CSMD1: variants seen among roughly 807,000 people sequenced by gnomAD.
The protein encoded by CSMD1 is CUB and sushi domain-containing protein 1.
Under a neutral mutation model 417.5 loss-of-function variants are expected in CSMD1, and 213 were observed. That is an observed-to-expected ratio of 0.51 (90% CI 0.46 to 0.57). The LOEUF (loss-of-function observed/expected upper bound fraction) is 0.57, where lower values mean the gene tolerates loss of function less well. CSMD1 is among the 20% of genes least tolerant of loss of function. The pLI is 0.00. For synonymous variants in CSMD1, 2,862 were observed against 1,736.8 expected, an observed-to-expected ratio of 1.65 and a Z score of -16.11; for missense variants, 6,923 against 4,529.7, an observed-to-expected ratio of 1.53 and a Z score of -15.17.
chr8:3,659,980 C>G (rs527991120), intron 7 of CSMD1, among the ~76,000 whole-genome samples: 1 of 152,312 alleles, frequency 6.6e-6, no homozygotes, highest in Admixed American at 6.5e-5. Context: ...AGAAATCCAA[C>G]TCACACACTG....
intron 7 of CSMD1, among the ~76,000 whole-genome samples, chr8:3,664,689 G>C (rs1798593435): frequency 3.3e-5 from 5 of 152,222 alleles, no homozygotes; most frequent in Non-Finnish European, 7.3e-5. Context: ...AAGCTGAAAA[G>C]AGCTGGCCCA....
intron 5 of CSMD1, among the ~76,000 whole-genome samples, chr8:3,838,867 TTA>T (rs1248605098): frequency 6.9e-5 from 8 of 116,076 alleles, no homozygotes; most frequent in African/African-American, 2.8e-4. Context: ...ATACTATTAA[TTA>T]TATATAATAT....
chr8:4,229,421 T>C (rs1233972043), intron 3 of CSMD1, among the ~76,000 whole-genome samples: 4 of 152,158 alleles, frequency 2.6e-5, no homozygotes, highest in Non-Finnish European at 4.4e-5. Flanking sequence ...CCTACCACAA[T>C]CACTCATTAT....
intron 5 of CSMD1, among the ~76,000 whole-genome samples, chr8:3,921,384 G>T (rs1425434353): frequency 6.6e-6 from 1 of 151,564 alleles, no homozygotes; most frequent in Non-Finnish European, 1.5e-5. Context: ...TGTCTTTCTA[G>T]CCTCTATTTA....
At chr8:4,325,424 A>C (rs1196798480) in intron 3 of CSMD1, among the ~76,000 whole-genome samples, 1 of 152,164 alleles carries the variant, frequency 6.6e-6, no homozygotes, top group Non-Finnish European at 1.5e-5. Context: ...ACTCTACAGA[A>C]GCCAGGCAAT....
chr8:4,954,833 G>C (rs150593463), intron 1 of CSMD1, among the ~76,000 whole-genome samples: 97 of 152,242 alleles, frequency 6.4e-4, no homozygotes, highest in Middle Eastern at 3.4e-3. Context: ...TCTTACTTTT[G>C]CTTTTGGTGT....
intron 23 of CSMD1, among the ~76,000 whole-genome samples, chr8:3,319,313 CTGCA>C (rs1161424681): frequency 6.6e-6 from 1 of 152,160 alleles, no homozygotes; most frequent in East Asian, 1.9e-4. Flanking sequence ...ATTAGAACCA[CTGCA>C]GAGTCTTCAT....
At chr8:4,294,568 G>A in intron 3 of CSMD1, among the ~76,000 whole-genome samples, 1 of 152,146 alleles carries the variant, frequency 6.6e-6, no homozygotes, top group South Asian at 2.1e-4. Flanking sequence ...TGCCATGTTA[G>A]AGAATGAAGT....
chr8:3,563,311 G>C (rs1456207728), intron 10 of CSMD1, among the ~76,000 whole-genome samples: 3 of 151,496 alleles, frequency 2.0e-5, no homozygotes, highest in Non-Finnish European at 4.4e-5. Flanking sequence ...TTAAACAATT[G>C]CTGAATATAA....
At chr8:4,308,252 ATG>A (rs539320428) in intron 3 of CSMD1, among the ~76,000 whole-genome samples, 232 of 151,322 alleles carry the variant, frequency 1.5e-3, no homozygotes, top group African/African-American at 5.1e-3. Flanking sequence ...AGTTTTTTTT[ATG>A]TGTGTGTGTG....
intron 2 of CSMD1, among the ~76,000 whole-genome samples, chr8:4,527,146 T>G (rs1387469153): frequency 6.6e-6 from 1 of 152,206 alleles, no homozygotes; most frequent in East Asian, 1.9e-4. Context: ...GAAAGTTAAG[T>G]TACCCAATGA....
At chr8:4,256,230 A>C (rs939621293) in intron 3 of CSMD1, among the ~76,000 whole-genome samples, 41 of 152,202 alleles carry the variant, frequency 2.7e-4, no homozygotes, top group Non-Finnish European at 5.7e-4. Context: ...ATTTGTGCTC[A>C]AACCAACCTT....
intron 1 of CSMD1, among the ~76,000 whole-genome samples, chr8:4,791,377 C>T (rs888858692): frequency 1.3e-5 from 2 of 152,126 alleles, no homozygotes; most frequent in African/African-American, 4.8e-5. Flanking sequence ...AATTTTCTTT[C>T]CAATTCAGCC....
intron 3 of CSMD1, among the ~76,000 whole-genome samples, chr8:4,202,799 C>A (rs375576456): frequency 2.0e-5 from 3 of 152,216 alleles, no homozygotes; most frequent in Admixed American, 6.5e-5. Flanking sequence ...AGGATTCAAA[C>A]GTCAGAAAAT....
chr8:3,554,436 G>T (rs76549237), intron 10 of CSMD1, among the ~76,000 whole-genome samples: 3,678 of 152,266 alleles, frequency 0.024, 142 homozygotes, highest in East Asian at 0.13. Flanking sequence ...GCCTGGAGCT[G>T]GGGGAGCAGA....
chr8:4,292,135 G>A (rs908073222), intron 3 of CSMD1, among the ~76,000 whole-genome samples: 5 of 152,138 alleles, frequency 3.3e-5, no homozygotes, highest in Admixed American at 1.3e-4. Flanking sequence ...CAACAACAAA[G>A]AAATATGAAA....
chr8:4,721,031 G>C (rs866742821), intron 1 of CSMD1, among the ~76,000 whole-genome samples: 1 of 152,098 alleles, frequency 6.6e-6, no homozygotes, highest in Non-Finnish European at 1.5e-5. Context: ...TGTGTTTATA[G>C]CATTATTCAT....
chr8:4,929,309 A>G (rs1459218373), intron 1 of CSMD1, among the ~76,000 whole-genome samples: 1 of 152,152 alleles, frequency 6.6e-6, no homozygotes, highest in Admixed American at 6.5e-5. Flanking sequence ...ACCATGGGCA[A>G]CACATTTCTA....
At chr8:4,322,052 T>C (rs1484370270) in intron 3 of CSMD1, among the ~76,000 whole-genome samples, 2 of 152,130 alleles carry the variant, frequency 1.3e-5, no homozygotes, top group Non-Finnish European at 2.9e-5. Context: ...AAATGCCTAA[T>C]TCACAGATAC....
Sources: gnomAD v4.1 joint callset for allele counts (sites outside exome capture counted in the v4.1 genomes callset) on GRCh38, gnomAD v4.1.1 for gene constraint, MANE v1.5 for transcripts, NCBI Gene and HGNC (gene_info 2026-07-23, HGNC 2026-07-21) for gene names.